The following RCAN2 variants were observed in gnomAD, a reference collection of about 807,000 sequenced individuals.
RCAN2 encodes the protein calcipressin-2.
Under a neutral mutation model 23.6 loss-of-function variants are expected in RCAN2, and 9 were observed. The ratio of observed to expected loss-of-function variants is 0.38; its 90% CI spans 0.23 to 0.67. The LOEUF (loss-of-function observed/expected upper bound fraction) is 0.67. Among genes scored for constraint, RCAN2 ranks in the 30% least tolerant of loss-of-function variants. The pLI, the probability that RCAN2 is intolerant of heterozygous loss-of-function variation, is 0.51. For missense variants in RCAN2, 273 were observed against 302.3 expected, an observed-to-expected ratio of 0.90 and a Z score of 0.72; for synonymous variants, 109 against 115.7, an observed-to-expected ratio of 0.94 and a Z score of 0.37.
At chr6:46,283,241 G>A (rs1034815170) in intron 2 of RCAN2, among the ~76,000 whole-genome samples, 2 of 152,102 alleles carry the variant, frequency 1.3e-5, no homozygotes, top group Non-Finnish European at 2.9e-5. Flanking sequence ...TTGAGCCCAG[G>A]AGTTCAAAAC....
intron 2 of RCAN2, among the ~76,000 whole-genome samples, chr6:46,377,406 T>C (rs1765506386): frequency 6.6e-6 from 1 of 152,206 alleles, no homozygotes; most frequent in Non-Finnish European, 1.5e-5. Flanking sequence ...CTTACGTGAC[T>C]AAACGGAGTC....
intron 2 of RCAN2, among the ~76,000 whole-genome samples, chr6:46,422,126 C>T (rs1228057508): frequency 6.6e-6 from 1 of 152,080 alleles, no homozygotes; most frequent in Non-Finnish European, 1.5e-5. Context: ...GAGGGAGGAT[C>T]CCTCACTAAT....
chr6:46,405,961 T>C (rs1397711873), intron 2 of RCAN2, among the ~76,000 whole-genome samples: 1 of 152,192 alleles, frequency 6.6e-6, no homozygotes, highest in South Asian at 2.1e-4. Flanking sequence ...CGCCGGTGGG[T>C]TGGCACTGCT....
chr6:46,380,856 A>G (rs1450639437), intron 2 of RCAN2, among the ~76,000 whole-genome samples: 2 of 152,268 alleles, frequency 1.3e-5, no homozygotes, highest in African/African-American at 4.8e-5. Flanking sequence ...TGTATATACT[A>G]TTTTAAAATA....
Position 46,330,374 on chromosome 6 carries a change from G to A in RCAN2, c.226-81478C>T, listed in dbSNP as rs559355273. On this transcript the variant is annotated intron_variant, in intron 2 of 4. Transcript: ENST00000371374. ...TCAAGCCTGAAAACCACAGCTCCACGTCTTCACCCACTTCCATACTCACTC... is the reference window on the plus strand; with the variant it reads ...TCAAGCCTGAAAACCACAGCTCCACATCTTCACCCACTTCCATACTCACTC... 1.8e-4 allele frequency among the ~76,000 whole-genome samples: 28 copies of A among 152,248 alleles called. 1 individual carries two copies. In the South Asian group the frequency reaches 2.1e-3, roughly 11 times the overall value.
intron 2 of RCAN2, among the ~76,000 whole-genome samples, chr6:46,307,056 C>T (rs1270941842): frequency 6.6e-6 from 1 of 152,102 alleles, no homozygotes; most frequent in African/African-American, 2.4e-5. Context: ...ATGGCAATTT[C>T]TGTTTCTAAA....
At chr6:46,365,382 G>A (rs976659869) in intron 2 of RCAN2, among the ~76,000 whole-genome samples, 1 of 151,892 alleles carries the variant, frequency 6.6e-6, no homozygotes, top group African/African-American at 2.4e-5. Context: ...AGGCTGAGGT[G>A]AGAGAATCGC....
chr6:46,286,300 C>T (rs1250624260), intron 2 of RCAN2, among the ~76,000 whole-genome samples: 2 of 152,172 alleles, frequency 1.3e-5, no homozygotes, highest in African/African-American at 4.8e-5. Context: ...TCTTTTTTCT[C>T]TCCATAAATC....
intron 2 of RCAN2, among the ~76,000 whole-genome samples, chr6:46,335,151 C>T (rs1212288404): frequency 2.0e-5 from 3 of 152,186 alleles, no homozygotes; most frequent in African/African-American, 7.2e-5. Context: ...CACCAGTCCC[C>T]TGTGATGTCA....
At chr6:46,304,621 G>C (rs1280801195) in intron 2 of RCAN2, among the ~76,000 whole-genome samples, 3 of 152,102 alleles carry the variant, frequency 2.0e-5, no homozygotes, top group African/African-American at 7.2e-5. Flanking sequence ...GGAAAGATGT[G>C]GAGGGGTCGG....
chr6:46,222,929 C>T lies in RCAN2; in HGVS notation c.*212G>A, dbSNP rs761462265. The T allele has an allele frequency of 1.8e-6, 1 of 554,854 alleles. No individual in the cohort carries two copies. Among genetic ancestry groups the T allele is most frequent in the Non-Finnish European group, 3.2e-6 (1 of 311,140 alleles). 34.4% of individuals were successfully genotyped at this position (554,854 alleles called of 1,614,324 possible). A position where few individuals can be genotyped will look rare whatever the true frequency, so the allele number is the denominator to read the frequency against. On this transcript the variant is annotated 3_prime_UTR_variant, in exon 5 of 5. Coordinates refer to ENST00000371374, the MANE Select transcript of RCAN2 (RefSeq NM_001251974.2). The stretch of plus-strand genomic sequence containing the variant: ...GAAAATACTACTTTTTTCCCTAGAA[C>T]CTTCTAAATAATGGGTTATACTTAA...
chr6:46,431,980 T>C (rs1390674110), intron 2 of RCAN2, among the ~76,000 whole-genome samples: 1 of 152,170 alleles, frequency 6.6e-6, no homozygotes, highest in Non-Finnish European at 1.5e-5. Flanking sequence ...ATATTGAAGA[T>C]CAAATATGGA....
chr6:46,439,016 A>G (rs923986789), intron 2 of RCAN2, among the ~76,000 whole-genome samples: 3 of 152,218 alleles, frequency 2.0e-5, no homozygotes, highest in Non-Finnish European at 2.9e-5. Flanking sequence ...TTAGAATATA[A>G]TATCTTTCAG....
intron 2 of RCAN2, among the ~76,000 whole-genome samples, chr6:46,305,399 T>C (rs185236978): frequency 2.6e-5 from 4 of 152,206 alleles, no homozygotes; most frequent in African/African-American, 7.2e-5. Context: ...GTCATCACGT[T>C]GGCTCCACTT....
At position 46,423,837 on chromosome 6, in the gene RCAN2, C is replaced by G. The variant is rs375131096; in HGVS notation, c.225+32915G>C. Among the ~76,000 whole-genome samples, 10 of 152,334 alleles carry G rather than the reference C, an allele frequency of 6.6e-5. No homozygotes were observed. The East Asian group carries it at 1.7e-3, about 26-fold the overall frequency. On this transcript the variant is annotated intron_variant, in intron 2 of 4. Coordinates refer to ENST00000371374, the MANE Select transcript of RCAN2 (RefSeq NM_001251974.2). ...ACTACATTGAGTATACCACATACCA[C>G]GGTCCAGGTACTTCTCTAAACAGTC... is the stretch of plus-strand genomic sequence containing the variant.
At chr6:46,336,920 G>A (rs935106) in intron 2 of RCAN2, among the ~76,000 whole-genome samples, 62,443 of 148,262 alleles carry the variant, frequency 0.42, 14,460 homozygotes, top group East Asian at 0.6. Context: ...GGGGATGGGG[G>A]ATAAAGTGAG....
intron 2 of RCAN2, among the ~76,000 whole-genome samples, chr6:46,441,956 C>T (rs771850013): frequency 2.0e-5 from 3 of 152,096 alleles, no homozygotes; most frequent in Non-Finnish European, 2.9e-5. Flanking sequence ...TATATCACAC[C>T]GATCTCATCC....
At chr6:46,243,735 G>A (rs1293927106) in intron 4 of RCAN2, among the ~76,000 whole-genome samples, 2 of 150,140 alleles carry the variant, frequency 1.3e-5, no homozygotes, top group Admixed American at 6.6e-5. Flanking sequence ...GCTTGAACCC[G>A]GGAGGAGGAG....
intron 2 of RCAN2, among the ~76,000 whole-genome samples, chr6:46,410,336 T>C (rs774341521): frequency 5.3e-5 from 8 of 152,174 alleles, no homozygotes; most frequent in Non-Finnish European, 7.3e-5. Context: ...CATCCATCTA[T>C]CTACCTACCT....
Sources: gnomAD v4.1 joint callset for allele counts (sites outside exome capture counted in the v4.1 genomes callset) on GRCh38, gnomAD v4.1.1 for gene constraint, MANE v1.5 for transcripts, NCBI Gene and HGNC (gene_info 2026-07-23, HGNC 2026-07-21) for gene names.